The following CCM2L variants were observed in gnomAD, a reference collection of about 807,000 sequenced individuals.
CCM2L encodes the protein CCM2 like scaffold protein.
A neutral mutation model predicts 54.1 loss-of-function variants in CCM2L; 36 were observed. The ratio of observed to expected loss-of-function variants is 0.67; its 90% CI spans 0.51 to 0.88. The LOEUF (loss-of-function observed/expected upper bound fraction) is 0.88, where lower values mean the gene tolerates loss of function less well. CCM2L is among the 40% of genes least tolerant of loss of function. The probability of loss-of-function intolerance (pLI) is 0.00; values close to 1 mark genes in which losing one functional copy is unlikely to be tolerated. For missense variants in CCM2L, 700 were observed against 812.1 expected, an observed-to-expected ratio of 0.86 and a Z score of 1.68; for synonymous variants, 351 against 359.3, an observed-to-expected ratio of 0.98 and a Z score of 0.26.
At chr20:32,029,892 C>G in intron 9 of CCM2L, 54 bp downstream of exon 9, 2 of 1,485,240 alleles carry the variant, frequency 1.3e-6, no homozygotes, top group Non-Finnish European at 1.8e-6. Flanking sequence ...TTGGTCCATG[C>G]CATCCCAGTC....
chr20:32,020,852 CG>C (rs1314250278), intron 5 of CCM2L, among the ~76,000 whole-genome samples: 5 of 152,116 alleles, frequency 3.3e-5, no homozygotes, highest in Admixed American at 3.3e-4. Context: ...GGCATAGCGG[CG>C]GGTGCCTGTA....
At chr20:32,018,567 G>T (rs1351323809) in intron 4 of CCM2L, among the ~76,000 whole-genome samples, 2 of 151,876 alleles carry the variant, frequency 1.3e-5, no homozygotes, top group Non-Finnish European at 2.9e-5. Flanking sequence ...GAGGAGAGGC[G>T]GGAAGTCAGA....
At position 32,031,044 on chromosome 20, in the gene CCM2L, G is replaced by A. The variant is rs1430147606; in HGVS notation, c.1446G>A (p.Glu482=). 3 of 1,304,262 alleles carry A rather than the reference G, an allele frequency of 2.3e-6. No individual in the cohort carries two copies. Among genetic ancestry groups the A allele is most frequent in the African/African-American group, 1.5e-5 (1 of 65,996 alleles). 80.8% of individuals were successfully genotyped at this position (1,304,262 alleles called of 1,614,324 possible). ...CGGACCAGGACATCGGCTACTTCGA[G>A]GGCTTCCTGGAGGGCGTGGGCATCC... The part of the protein sequence containing the change: ...FIPDQDIGYF[E]GFLEGVGIRE... Residue 482 remains glutamate, a synonymous_variant, in exon 10 of 10, where the codon GAG becomes GAA. Coordinates refer to ENST00000452892, the MANE Select transcript of CCM2L (RefSeq NM_001365692.1).
chr20:32,021,384 G>T (rs774923420), intron 5 of CCM2L, among the ~76,000 whole-genome samples: 2 of 152,102 alleles, frequency 1.3e-5, no homozygotes, highest in African/African-American at 2.4e-5. Context: ...AATTTGTGGA[G>T]TGAGTAAATA....
At chr20:32,014,416 G>A (rs1021397604) in intron 1 of CCM2L, among the ~76,000 whole-genome samples, 5 of 151,616 alleles carry the variant, frequency 3.3e-5, no homozygotes, top group Non-Finnish European at 7.4e-5. Context: ...CAGGCTCCTG[G>A]CACAACGCCT....
chr20:32,026,538 G>A (rs1166338313), intron 7 of CCM2L, among the ~76,000 whole-genome samples: 4 of 152,082 alleles, frequency 2.6e-5, no homozygotes, highest in African/African-American at 7.2e-5. Context: ...TGGTCACATA[G>A]CCATCACTAG....
chr20:32,031,301 A>G lies in CCM2L; in HGVS notation c.1703A>G (p.Asp568Gly). Residue 568 changes from aspartate to glycine, a missense_variant, in exon 10 of 10, where the codon GAC (aspartate) becomes GGC (glycine). By Grantham distance (94) the Asp-to-Gly change is moderately conservative (BLOSUM62 -1). Transcript: ENST00000452892. ...GSRGGSDAAE[D>G]NYL The stretch of plus-strand genomic sequence containing the variant: ...AGGGGCGGGAGCGACGCCGCAGAAG[A>G]CAACTACCTGTAGCCACCGCCCCTG... 1 of 1,282,094 alleles carries G rather than the reference A, an allele frequency of 7.8e-7. No individual in the cohort carries two copies. Among genetic ancestry groups the G allele is most frequent in the Non-Finnish European group, 1.0e-6 (1 of 984,760 alleles). The allele number at this position is 1,282,094 out of a possible 1,614,324, so 79.4% of individuals were successfully genotyped here.
At chr20:32,018,888 G>A (rs1424619650) in intron 4 of CCM2L, 55 bp from the exon 5 acceptor site, 1 of 1,238,218 alleles carries the variant, frequency 8.1e-7, no homozygotes, top group Non-Finnish European at 1.0e-6. Context: ...TCGGCGGGGC[G>A]GGGGGGTCTC....
rs1204818840 is a variant in CCM2L, at chr20:32,019,339, A to T, written c.863A>T (p.Asn288Ile). The change falls in exon 5 of 10, where the codon AAC becomes ATC. Residue 288 changes from asparagine to isoleucine, a missense_variant. Physicochemically the swap from Asn to Ile is moderately radical, Grantham distance 149. Coordinates refer to ENST00000452892, the MANE Select transcript of CCM2L (RefSeq NM_001365692.1). ...GSWERRHPGP[N>I]PLDPQDPSPD... ...TGGGAGCGGCGCCACCCCGGCCCCA[A>T]CCCGCTCGACCCGCAGGACCCCAGC... The T allele has an allele frequency of 1.5e-5, 22 of 1,459,496 alleles. No individual in the cohort carries two copies. The Admixed American group carries it at 5.3e-4, about 35-fold the overall frequency. 90.4% of individuals were successfully genotyped at this position (1,459,496 alleles called of 1,614,324 possible). A position where few individuals can be genotyped will look rare whatever the true frequency, so the allele number is the denominator to read the frequency against.
intron 7 of CCM2L, among the ~76,000 whole-genome samples, chr20:32,026,528 T>C (rs543264921): frequency 6.6e-6 from 1 of 152,132 alleles, no homozygotes; most frequent in Non-Finnish European, 1.5e-5. Flanking sequence ...GGCCAGAACT[T>C]GGTCACATAG....
At chr20:32,016,217 G>T (rs1600673727) in intron 2 of CCM2L, among the ~76,000 whole-genome samples, 1 of 151,970 alleles carries the variant, frequency 6.6e-6, no homozygotes, top group Non-Finnish European at 1.5e-5. Context: ...TTGATATGGG[G>T]GTAGGGTTGT....
chr20:32,030,613 G>A (rs1282478513), intron 9 of CCM2L, among the ~76,000 whole-genome samples: 3 of 151,850 alleles, frequency 2.0e-5, no homozygotes, highest in East Asian at 1.9e-4. Flanking sequence ...TGAAGCTGGC[G>A]GATCACCTGA....
intron 2 of CCM2L, among the ~76,000 whole-genome samples, chr20:32,017,564 C>T (rs919127769): frequency 2.0e-5 from 3 of 152,206 alleles, no homozygotes; most frequent in Non-Finnish European, 4.4e-5. Flanking sequence ...TTTAGTTAGC[C>T]ACACCCTGCC....
In CCM2L at chr20:32,031,128, G is replaced by A. The variant is rs1322175508; in HGVS notation, c.1530G>A (p.Thr510=). The change falls in exon 10 of 10, where the codon ACG becomes ACA. Residue 510 remains threonine (T), a synonymous_variant. Coordinates refer to ENST00000452892, the MANE Select transcript of CCM2L (RefSeq NM_001365692.1). ...FGRIKRSMSS[T]SASAVRSYDG... is the part of the protein sequence containing the mutation. ...GCATCAAGCGCAGCATGAGCTCCAC[G>A]TCGGCCTCCGCAGTGCGCAGCTACG... 2 of 1,304,090 alleles carry A rather than the reference G, an allele frequency of 1.5e-6. No homozygotes were observed. The highest frequency in any genetic ancestry group is 1.2e-5 in the South Asian group (1 of 81,018). The allele number at this position is 1,304,090 out of a possible 1,614,324, so 80.8% of individuals were successfully genotyped here.
At chr20:32,014,686 A>G (rs6119752) in intron 1 of CCM2L, among the ~76,000 whole-genome samples, 3,515 of 152,314 alleles carry the variant, frequency 0.023, 64 homozygotes, top group Middle Eastern at 0.061. Flanking sequence ...AGAATGCCCA[A>G]GGTGAACTAC....
In CCM2L at chr20:32,017,797, C is replaced by T. The variant is rs1439691448; in HGVS notation, c.199-3C>T. 1 of 1,614,024 alleles carries T rather than the reference C, an allele frequency of 6.2e-7. No individual in the cohort carries two copies. Among genetic ancestry groups the T allele is most frequent in the African/African-American group, 1.3e-5 (1 of 75,038 alleles). The stretch of plus-strand genomic sequence containing the variant: ...TCCTTCTCTCACCCCGATTTCCATC[C>T]AGTTCCTGGGCCACCTTACCTGGGT... On this transcript the variant is annotated splice_region_variant and splice_polypyrimidine_tract_variant and intron_variant, in intron 2 of 9. Coordinates refer to ENST00000452892, the MANE Select transcript of CCM2L (RefSeq NM_001365692.1).
chr20:32,021,517 C>T (rs577192242), intron 5 of CCM2L, among the ~76,000 whole-genome samples: 18 of 151,926 alleles, frequency 1.2e-4, no homozygotes, highest in Non-Finnish European at 2.4e-4. Context: ...ATTATCTGGG[C>T]GTGGTGGTGT....
intron 2 of CCM2L, among the ~76,000 whole-genome samples, chr20:32,017,229 C>T (rs1217007880): frequency 6.6e-6 from 1 of 152,192 alleles, no homozygotes; most frequent in Non-Finnish European, 1.5e-5. Context: ...TGATTTAGTG[C>T]ATCATTTTTC....
chr20:32,022,669 G>A lies in CCM2L; in HGVS notation c.943G>A (p.Glu315Lys). 1 of 1,614,196 alleles carries A rather than the reference G, an allele frequency of 6.2e-7. No homozygotes were observed. Among genetic ancestry groups the A allele is most frequent in the South Asian group, 1.1e-5 (1 of 91,084 alleles). Reference protein sequence around the residue: ...ILAVANRDAAEESCALICQVF... With the variant: ...ILAVANRDAAKESCALICQVF... ...CTCCTCCCTGGGCCAGGACGCTGCA[G>A]AGGAGTCCTGCGCACTCATCTGTCA... Residue 315 changes from glutamate to lysine, a missense_variant, in exon 6 of 10, where the codon GAG (glutamate) becomes AAG (lysine). Transcript: ENST00000452892.
Sources: gnomAD v4.1 joint callset for allele counts (sites outside exome capture counted in the v4.1 genomes callset) on GRCh38, gnomAD v4.1.1 for gene constraint, MANE v1.5 for transcripts, NCBI Gene and HGNC (gene_info 2026-07-23, HGNC 2026-07-21) for gene names.